ACVR1B: variants seen among roughly 807,000 people sequenced by gnomAD.
ACVR1B encodes activin receptor type-1B.
ACVR1B carries 15 observed loss-of-function variants against 55.6 expected under a neutral mutation model. The ratio of observed to expected loss-of-function variants is 0.27; its 90% CI spans 0.18 to 0.42. The LOEUF (loss-of-function observed/expected upper bound fraction) is 0.42, where lower values mean the gene tolerates loss of function less well. Ranked by LOEUF, ACVR1B falls within the 10% of genes least tolerant of loss-of-function variation. The probability of loss-of-function intolerance (pLI) is 1.00; values close to 1 mark genes in which losing one functional copy is unlikely to be tolerated. For missense variants in ACVR1B, 359 were observed against 670.1 expected (o/e 0.54, Z 5.13); for synonymous variants, 247 against 254.6 (o/e 0.97, Z 0.28).
chr12:51,953,607 AAAG>A (rs1731099611), intron 1 of ACVR1B: 3 of 857,926 alleles, frequency 3.5e-6, no homozygotes, highest in Non-Finnish European at 2.8e-6. Context: ...AAAAAAAAAA[AAAG>A]GGAGATTGAA....
intron 8 of ACVR1B, among the ~76,000 whole-genome samples, chr12:51,992,554 C>T (rs1356450681): frequency 6.6e-6 from 1 of 152,166 alleles, no homozygotes; most frequent in Non-Finnish European, 1.5e-5. Flanking sequence ...GGGAGGTGGT[C>T]AACAAGTGAC....
chr12:51,988,029 A>G (rs1246453539), intron 7 of ACVR1B, among the ~76,000 whole-genome samples: 1 of 152,248 alleles, frequency 6.6e-6, no homozygotes, highest in African/African-American at 2.4e-5. Context: ...AAATATGACA[A>G]GTCTTCCAGC....
intron 6 of ACVR1B, among the ~76,000 whole-genome samples, chr12:51,985,549 A>G (rs1942059906): frequency 6.6e-6 from 1 of 152,236 alleles, no homozygotes. Flanking sequence ...AAGTGCTGAG[A>G]GCACAGCTCC....
chr12:51,991,441 G>C (rs781309180), intron 7 of ACVR1B, among the ~76,000 whole-genome samples: 4 of 152,178 alleles, frequency 2.6e-5, no homozygotes, highest in Non-Finnish European at 5.9e-5. Context: ...TTGCACTCTT[G>C]TCCAGGCTGG....
chr12:51,967,007 G>A (rs1374878191), intron 1 of ACVR1B, among the ~76,000 whole-genome samples: 3 of 152,130 alleles, frequency 2.0e-5, no homozygotes, highest in East Asian at 1.9e-4. Context: ...TTGGGAGGCC[G>A]AGACGGGTGG....
intron 7 of ACVR1B, among the ~76,000 whole-genome samples, chr12:51,989,978 C>T (rs897528465): frequency 6.1e-5 from 9 of 147,522 alleles, no homozygotes; most frequent in African/African-American, 2.3e-4. Context: ...GTGGAGACTC[C>T]GTCTCAAAAA....
intron 1 of ACVR1B, 25 bp from the exon 2 acceptor site, chr12:51,975,240 A>T (rs758114766): frequency 1.3e-6 from 2 of 1,598,668 alleles, no homozygotes; most frequent in African/African-American, 2.7e-5. Context: ...ATTGATGTCA[A>T]TGTCTGCTCC....
At chr12:51,982,860 T>A in intron 4 of ACVR1B, 1 of 1,443,012 alleles carries the variant, frequency 6.9e-7, no homozygotes, top group African/African-American at 1.4e-5. Context: ...TTAAATCTTA[T>A]ATGTTTTAAA....
intron 1 of ACVR1B, among the ~76,000 whole-genome samples, chr12:51,956,068 A>T (rs747834589): frequency 6.6e-6 from 1 of 152,180 alleles, no homozygotes; most frequent in Non-Finnish European, 1.5e-5. Flanking sequence ...GATTTCAGAG[A>T]GTATCTTTCT....
At chr12:51,987,749 G>A (rs1467757887) in intron 7 of ACVR1B, 1 of 152,636 alleles carries the variant, frequency 6.6e-6, no homozygotes, top group East Asian at 1.9e-4. Context: ...AATTCCTGAA[G>A]CGTTCCATAT....
At chr12:51,959,041 T>TG (rs1442403160) in intron 1 of ACVR1B, among the ~76,000 whole-genome samples, 1 of 152,130 alleles carries the variant, frequency 6.6e-6, no homozygotes, top group East Asian at 1.9e-4. Context: ...CCAGGTGAGG[T>TG]GGACAATAAA....
At chr12:51,993,873 A>T in intron 8 of ACVR1B, 112 bp from the exon 9 acceptor site, 1 of 1,322,940 alleles carries the variant, frequency 7.6e-7, no homozygotes, top group African/African-American at 1.5e-5. Context: ...GTGGATGTGG[A>T]TCTGCCAGAC....
chr12:51,979,870 A>G lies in ACVR1B; in HGVS notation c.581-1099A>G, dbSNP rs560219858. On this transcript the variant is annotated intron_variant, in intron 3 of 8. Transcript: ENST00000257963. ...GGGGTGTGTGTGGGTGCACAGGGCA[A>G]GAGCAGGCTGAGATGGGAGGCAAAA... Among the ~76,000 whole-genome samples, 20 of 152,244 alleles carry G rather than the reference A, an allele frequency of 1.3e-4. No individual in the cohort carries two copies. The South Asian group carries it at 3.9e-3, about 30-fold the overall frequency.
At chr12:51,982,596 G>T in intron 4 of ACVR1B, 2 of 1,354,348 alleles carry the variant, frequency 1.5e-6, no homozygotes, top group South Asian at 3.3e-5. Context: ...GTTGTGACAT[G>T]ACTTGCTCCT....
At chr12:51,969,175 T>C (rs1941697408) in intron 1 of ACVR1B, among the ~76,000 whole-genome samples, 2 of 152,210 alleles carry the variant, frequency 1.3e-5, no homozygotes, top group African/African-American at 4.8e-5. Context: ...TCCTGGCTCA[T>C]AGAATCCATG....
At chr12:51,967,025 G>A (rs895304257) in intron 1 of ACVR1B, among the ~76,000 whole-genome samples, 1 of 152,054 alleles carries the variant, frequency 6.6e-6, no homozygotes, top group Non-Finnish European at 1.5e-5. Context: ...TGGATCACAA[G>A]GTCAGGAGAT....
chr12:51,953,303 A>G, intron 1 of ACVR1B: 1 of 983,720 alleles, frequency 1.0e-6, no homozygotes, highest in Non-Finnish European at 1.2e-6. Flanking sequence ...GAATCTCAAA[A>G]ACAAGTTCAT....
chr12:51,954,496 A>G (rs1353167388), intron 1 of ACVR1B, among the ~76,000 whole-genome samples: 1 of 152,226 alleles, frequency 6.6e-6, no homozygotes, highest in Non-Finnish European at 1.5e-5. Flanking sequence ...AAGCCTTGTA[A>G]TTTTGTTGAG....
chr12:51,986,508 C>T (rs1392727964), intron 6 of ACVR1B, among the ~76,000 whole-genome samples: 1 of 152,240 alleles, frequency 6.6e-6, no homozygotes, highest in East Asian at 1.9e-4. Context: ...GATCCGCCCA[C>T]CTTGGCCTCC....
Sources: gnomAD v4.1 joint callset for allele counts (sites outside exome capture counted in the v4.1 genomes callset) on GRCh38, gnomAD v4.1.1 for gene constraint, MANE v1.5 for transcripts, NCBI Gene and HGNC (gene_info 2026-07-23, HGNC 2026-07-21) for gene names.